Variants in FARP1 observed in about 807,000 individuals in gnomAD.
The protein encoded by FARP1 is FERM, ARH/RhoGEF and pleckstrin domain protein 1.
Under a neutral mutation model 128.8 loss-of-function variants are expected in FARP1, and 52 were observed. The observed-to-expected ratio is 0.40, with a 90% CI of 0.32 to 0.51. The LOEUF (loss-of-function observed/expected upper bound fraction) is 0.51, where lower values mean the gene tolerates loss of function less well. Ranked by LOEUF, FARP1 falls within the 20% of genes least tolerant of loss-of-function variation. The pLI, the probability that FARP1 is intolerant of heterozygous loss-of-function variation, is 0.45. For synonymous variants in FARP1, 580 were observed against 551.8 expected, an observed-to-expected ratio of 1.05 and a Z score of -0.72; for missense variants, 1,333 against 1,367.9, an observed-to-expected ratio of 0.97 and a Z score of 0.40.
At chr13:98,270,320 G>A (rs1165099860) in intron 2 of FARP1, among the ~76,000 whole-genome samples, 1 of 151,948 alleles carries the variant, frequency 6.6e-6, no homozygotes, top group African/African-American at 2.4e-5. Flanking sequence ...CACATCCTCA[G>A]TAATATACAA....
chr13:98,186,406 C>T (rs746979833), intron 1 of FARP1, among the ~76,000 whole-genome samples: 2 of 152,128 alleles, frequency 1.3e-5, no homozygotes, highest in African/African-American at 2.4e-5. Flanking sequence ...CCGCGCCTGG[C>T]GCTCCAGAAC....
intron 5 of FARP1, among the ~76,000 whole-genome samples, chr13:98,370,535 G>C (rs1889281706): frequency 6.7e-6 from 1 of 149,168 alleles, no homozygotes; most frequent in Non-Finnish European, 1.5e-5. Context: ...TGGACTTTGA[G>C]GGAGGGAGAG....
rs540600704 is a variant in FARP1 at position 98,264,535 on chromosome 13, C to T, written c.171+51122C>T. ...GTGTTCAAGTCACCCTTATTTGACT[C>T]TTGTGCCCCAAGGCACAAGAGTAGT... On this transcript the variant is annotated intron_variant, in intron 2 of 26. Coordinates refer to ENST00000319562, the MANE Select transcript of FARP1 (RefSeq NM_005766.4). Among the ~76,000 whole-genome samples, 5 of 152,296 alleles carry T rather than the reference C, an allele frequency of 3.3e-5. No individual in the cohort carries two copies. In the South Asian group the frequency reaches 1.0e-3, roughly 32 times the overall value.
At chr13:98,324,051 T>G (rs1218908311) in intron 2 of FARP1, among the ~76,000 whole-genome samples, 2 of 152,250 alleles carry the variant, frequency 1.3e-5, no homozygotes, top group Non-Finnish European at 2.9e-5. Flanking sequence ...TTGATTAATA[T>G]ATTAAATGCA....
intron 2 of FARP1, among the ~76,000 whole-genome samples, chr13:98,259,134 C>A (rs954605092): frequency 6.6e-6 from 1 of 152,092 alleles, no homozygotes; most frequent in Non-Finnish European, 1.5e-5. Context: ...TTGCTCGAGC[C>A]TGGGAGGTCG....
Position 98,435,792 on chromosome 13 carries a change from G to C in FARP1, c.2274+86G>C, listed in dbSNP as rs531137562. On this transcript the variant is annotated intron_variant, in intron 19 of 26. Transcript: ENST00000319562. The stretch of plus-strand genomic sequence containing the variant: ...CTTACATTTGAACCTTTTGAAGAGA[G>C]ACCCTTGCAAAGCAAAATGTCCTCT... The C allele has an allele frequency of 7.7e-6, 11 of 1,434,182 alleles. No individual in the cohort carries two copies. The East Asian group carries it at 2.5e-4, about 33-fold the overall frequency. 88.8% of individuals were successfully genotyped at this position (1,434,182 alleles called of 1,614,324 possible). A position where few individuals can be genotyped will look rare whatever the true frequency, so the allele number is the denominator to read the frequency against.
At chr13:98,445,821 CCTGTGTTCTAAGGTA>C in intron 24 of FARP1, 1 of 336,390 alleles carries the variant, frequency 3.0e-6, no homozygotes, top group South Asian at 3.8e-5. Context: ...TCCAAATAAG[CCTGTGTTCTAAGGTA>C]CTGGTAGTCA....
At chr13:98,315,885 C>T (rs1397470548) in intron 2 of FARP1, among the ~76,000 whole-genome samples, 1 of 152,150 alleles carries the variant, frequency 6.6e-6, no homozygotes, top group African/African-American at 2.4e-5. Flanking sequence ...TAAAATAGCT[C>T]CTAGAACTTC....
intron 2 of FARP1, among the ~76,000 whole-genome samples, chr13:98,319,851 C>A (rs992419386): frequency 1.1e-4 from 16 of 151,614 alleles, no homozygotes; most frequent in African/African-American, 3.9e-4. Context: ...GGGAAAAAAA[C>A]AACAGACTTT....
chr13:98,393,410 C>T (rs772821498), intron 11 of FARP1, among the ~76,000 whole-genome samples: 2 of 152,062 alleles, frequency 1.3e-5, no homozygotes, highest in Non-Finnish European at 2.9e-5. Context: ...AGAACTACAA[C>T]AAGGGCTTCT....
At chr13:98,444,220 T>C (rs543495307) in intron 24 of FARP1, among the ~76,000 whole-genome samples, 2 of 152,252 alleles carry the variant, frequency 1.3e-5, no homozygotes, top group African/African-American at 4.8e-5. Context: ...CGGCTCGTGC[T>C]GGGCTTAGGG....
chr13:98,149,219 C>A (rs570929355), intron 1 of FARP1, among the ~76,000 whole-genome samples: 1 of 152,190 alleles, frequency 6.6e-6, no homozygotes, highest in Non-Finnish European at 1.5e-5. Context: ...CTCTCTTCTT[C>A]CCTCTTCTCC....
intron 5 of FARP1, among the ~76,000 whole-genome samples, chr13:98,369,311 G>A (rs1889228192): frequency 6.6e-6 from 1 of 150,428 alleles, no homozygotes; most frequent in Non-Finnish European, 1.5e-5. Context: ...GATTCCCTTT[G>A]AAGAGAATCC....
At chr13:98,355,876 G>A (rs1888618104) in intron 3 of FARP1, among the ~76,000 whole-genome samples, 1 of 151,764 alleles carries the variant, frequency 6.6e-6, no homozygotes, top group Non-Finnish European at 1.5e-5. Flanking sequence ...TTAAAAGTAT[G>A]GTATTTCATT....
intron 4 of FARP1, 46 bp downstream of exon 4, chr13:98,365,483 A>G (rs1889044585): frequency 7.2e-7 from 1 of 1,391,884 alleles, no homozygotes; most frequent in African/African-American, 1.4e-5. Flanking sequence ...ATCTGAAGCC[A>G]GACAGTTTCA....
chr13:98,256,948 G>GGTATATATATATAT lies in FARP1; in HGVS notation c.171+43535_171+43536insGTATATATATATAT, dbSNP rs59128917. Among the ~76,000 whole-genome samples, 21 of 77,096 alleles carry GGTATATATATATAT rather than the reference G, an allele frequency of 2.7e-4. 4 individuals are homozygous for GGTATATATATATAT. Among genetic ancestry groups the GGTATATATATATAT allele is most frequent in the South Asian group, 1.6e-3 (3 of 1,914 alleles). 50.6% of individuals were successfully genotyped at this position (77,096 alleles called of 152,430 possible). A position where few individuals can be genotyped will look rare whatever the true frequency, so the allele number is the denominator to read the frequency against. ...CAATAATTTTCAAAGTATATATGTGGATATATATATATATATATATATATA... is the reference window on the plus strand; with the variant it reads ...CAATAATTTTCAAAGTATATATGTGGGTATATATATATATATATATATATATATATATATATATA... On this transcript the variant is annotated intron_variant, in intron 2 of 26. Transcript: ENST00000319562.
intron 3 of FARP1, among the ~76,000 whole-genome samples, chr13:98,350,194 C>A (rs1888357753): frequency 6.6e-6 from 1 of 152,126 alleles, no homozygotes; most frequent in Admixed American, 6.5e-5. Context: ...CAAAGCTCCC[C>A]TCAAGCAGAG....
intron 11 of FARP1, among the ~76,000 whole-genome samples, chr13:98,391,998 G>A (rs9584832): frequency 0.055 from 8,305 of 152,130 alleles, 606 homozygotes; most frequent in African/African-American, 0.17. Context: ...TAGAATTAAC[G>A]GCCATTAACA....
intron 1 of FARP1, among the ~76,000 whole-genome samples, chr13:98,154,384 T>C (rs1224801353): frequency 2.0e-5 from 3 of 152,194 alleles, no homozygotes; most frequent in Non-Finnish European, 4.4e-5. Context: ...TTATATATTT[T>C]TTTAACCAAA....
Sources: allele counts gnomAD v4.1 joint callset (sites outside exome capture counted in the v4.1 genomes callset), GRCh38; gene constraint gnomAD v4.1.1; transcripts MANE v1.5; gene names NCBI Gene and HGNC (gene_info 2026-07-23, HGNC 2026-07-21).